Variants in PCDHGA4 observed in about 807,000 individuals in gnomAD.
PCDHGA4 encodes protocadherin gamma subfamily A, 4, also known as protocadherin gamma-A4.
PCDHGA4 carries 38 observed loss-of-function variants against 54.6 expected under a neutral mutation model. The observed-to-expected ratio is 0.70, with a 90% confidence interval of 0.54 to 0.91. The LOEUF (loss-of-function observed/expected upper bound fraction) is 0.91, where lower values mean the gene tolerates loss of function less well. Among genes scored for constraint, PCDHGA4 ranks in the 40% least tolerant of loss-of-function variants. The probability of loss-of-function intolerance (pLI) is 0.00; values close to 1 mark genes in which losing one functional copy is unlikely to be tolerated. For missense variants in PCDHGA4, 1,298 were observed against 1,220.9 expected (o/e 1.06, Z -0.94); for synonymous variants, 511 against 512.9 (o/e 1.00, Z 0.05).
At chr5:141,408,836 T>G in intron 1 of PCDHGA4, 1 of 1,613,680 alleles carries the variant, frequency 6.2e-7, no homozygotes, top group Non-Finnish European at 8.5e-7. Context: ...TAGCTTGATA[T>G]TGACTGCCTT....
intron 1 of PCDHGA4, chr5:141,423,241 G>C: frequency 6.2e-7 from 1 of 1,613,954 alleles, no homozygotes; most frequent in Non-Finnish European, 8.5e-7. Context: ...CATCCCCGAA[G>C]TCCTGGCGGA....
intron 1 of PCDHGA4, chr5:141,372,469 T>C (rs772203261): frequency 6.2e-7 from 1 of 1,614,020 alleles, no homozygotes; most frequent in Non-Finnish European, 8.5e-7. Context: ...CAGTTTCACC[T>C]AGTAGTGGCG....
At chr5:141,398,550 A>G (rs1390355431) in intron 1 of PCDHGA4, 2 of 1,613,816 alleles carry the variant, frequency 1.2e-6, no homozygotes, top group Non-Finnish European at 1.7e-6. Context: ...TTGAGCTGCA[A>G]ATAAGTGAGT....
chr5:141,472,371 C>G (rs2099278632), intron 1 of PCDHGA4, among the ~76,000 whole-genome samples: 1 of 151,944 alleles, frequency 6.6e-6, no homozygotes, highest in Admixed American at 6.6e-5. Flanking sequence ...GAAACCCCGT[C>G]TCCACTAAAA....
chr5:141,490,908 C>T lies in PCDHGA4; in HGVS notation c.2515-3899C>T, dbSNP rs201078924. On this transcript the variant is annotated intron_variant, in intron 1 of 3. Coordinates refer to ENST00000571252, the MANE Select transcript of PCDHGA4 (RefSeq NM_018917.4). This position sits in a 1 kb window ranked among gnomAD's most constrained non-coding sequence, Gnocchi z 5.4. The stretch of plus-strand genomic sequence containing the variant: ...CATCTCTGCATGTGTTTGTCCTAGA[C>T]GAGAATGATAATGCCCCAGCTGTGC... 42 of 1,613,710 alleles carry T rather than the reference C, an allele frequency of 2.6e-5. No homozygotes were observed. The highest frequency in any genetic ancestry group is 8.3e-5 in the Admixed American group (5 of 60,018).
At chr5:141,372,123 A>G (rs1435565099) in intron 1 of PCDHGA4, 3 of 1,613,632 alleles carry the variant, frequency 1.9e-6, no homozygotes, top group Non-Finnish European at 2.5e-6. Context: ...GCTCTTCGAT[A>G]TGGTGCCGCG....
rs985430498 is a variant in PCDHGA4 at position 141,387,945 on chromosome 5, C to T, written c.2514+30324C>T. The T allele has an allele frequency of 4.0e-6, 6 of 1,484,034 alleles. No homozygotes were observed. The African/African-American group carries it at 8.5e-5, about 21-fold the overall frequency. The allele number at this position is 1,484,034 out of a possible 1,614,324, so 91.9% of individuals were successfully genotyped here. A position where few individuals can be genotyped will look rare whatever the true frequency, so the allele number is the denominator to read the frequency against. On this transcript the variant is annotated intron_variant, in intron 1 of 3. Coordinates refer to ENST00000571252, the MANE Select transcript of PCDHGA4 (RefSeq NM_018917.4). ...GAGGCTGCCAGTGCTCTTTCTCTTC[C>T]TGCTGTCTTTGTTCTGCCCGGCGCT...
rs71576115 is a variant in PCDHGA4 at position 141,463,438 on chromosome 5, C to CTTTT, written c.2515-31344_2515-31341dup. Among the ~76,000 whole-genome samples, 106 of 103,254 alleles carry CTTTT rather than the reference C, an allele frequency of 1.0e-3. 8 individuals are homozygous for CTTTT. Among genetic ancestry groups the CTTTT allele is most frequent in the African/African-American group, 3.9e-3 (88 of 22,404 alleles). The allele number at this position is 103,254 out of a possible 152,430, so 67.7% of individuals were successfully genotyped here. ...GTTTGCGGATCCTCATTTCCTTCTC[C>CTTTT]TTTTTTTTTTTTTTTTTTTTTTTTT... is the stretch of plus-strand genomic sequence containing the variant. On this transcript the variant is annotated intron_variant, in intron 1 of 3. Transcript: ENST00000571252.
intron 1 of PCDHGA4, chr5:141,365,409 G>A (rs1588612926): frequency 1.2e-6 from 2 of 1,613,994 alleles, no homozygotes; most frequent in Non-Finnish European, 1.7e-6. Flanking sequence ...TCTGAAGACT[G>A]TCTTCCCGGA....
At chr5:141,443,872 A>G (rs1446612063) in intron 1 of PCDHGA4, among the ~76,000 whole-genome samples, 1 of 152,212 alleles carries the variant, frequency 6.6e-6, no homozygotes, top group South Asian at 2.1e-4. Context: ...AAAATTACTG[A>G]TAAGTCAAGA....
rs777288812 is a variant in PCDHGA4 at position 141,487,236 on chromosome 5, G to A, written c.2515-7571G>A. The A allele has an allele frequency of 1.7e-5, 28 of 1,613,962 alleles. No homozygotes were observed. The highest frequency in any genetic ancestry group is 1.4e-4 in the South Asian group (13 of 91,070). On this transcript the variant is annotated intron_variant, in intron 1 of 3. Coordinates refer to ENST00000571252, the MANE Select transcript of PCDHGA4 (RefSeq NM_018917.4). This position sits in a 1 kb window ranked among gnomAD's most constrained non-coding sequence, Gnocchi z 5.0. ...TCAGCTCCAAGGGAAGGAGAATCTC[G>A]TCTAACCCTCTACTTGGCTGTGTCC... is the stretch of plus-strand genomic sequence containing the variant.
At chr5:141,387,594 C>T in intron 1 of PCDHGA4, 1 of 528,418 alleles carries the variant, frequency 1.9e-6, no homozygotes, top group East Asian at 3.1e-5. Context: ...TAACTTGAAG[C>T]AGCAGAGGCT....
intron 1 of PCDHGA4, among the ~76,000 whole-genome samples, chr5:141,494,338 ACAG>A (rs2099753688): frequency 6.6e-6 from 1 of 152,224 alleles, no homozygotes; most frequent in African/African-American, 2.4e-5. Flanking sequence ...GTTACCAAGA[ACAG>A]CAGCCATCTT....
At chr5:141,461,799 G>T (rs1025237561) in intron 1 of PCDHGA4, among the ~76,000 whole-genome samples, 5 of 151,188 alleles carry the variant, frequency 3.3e-5, no homozygotes, top group Admixed American at 1.3e-4. Context: ...GATTACAGGT[G>T]CCCACCACCA....
At chr5:141,408,901 G>T (rs529239605) in intron 1 of PCDHGA4, 2 of 1,613,100 alleles carry the variant, frequency 1.2e-6, no homozygotes, top group African/African-American at 2.7e-5. Flanking sequence ...TTTCTGTCAA[G>T]GATACCAATG....
chr5:141,423,237 C>T (rs761825236), intron 1 of PCDHGA4: 74 of 1,613,798 alleles, frequency 4.6e-5, no homozygotes, highest in Middle Eastern at 3.3e-4. Flanking sequence ...ACAGCATCCC[C>T]GAAGTCCTGG....
intron 1 of PCDHGA4, chr5:141,408,303 G>T: frequency 1.2e-6 from 2 of 1,613,794 alleles, no homozygotes; most frequent in South Asian, 1.1e-5. Context: ...GAGCCGATCC[G>T]CTACTCGATT....
chr5:141,418,284 T>A (rs766608852), intron 1 of PCDHGA4: 19 of 1,613,826 alleles, frequency 1.2e-5, no homozygotes, highest in Non-Finnish European at 1.4e-5. Flanking sequence ...AACTTAGAAA[T>A]CAGTGAATCC....
chr5:141,361,258 G>A (rs957502744), intron 1 of PCDHGA4: 9 of 1,613,960 alleles, frequency 5.6e-6, no homozygotes, highest in South Asian at 1.1e-5. Context: ...GAGAGACAGA[G>A]ACTCTGGAGA....
Sources: allele counts gnomAD v4.1 joint callset (sites outside exome capture counted in the v4.1 genomes callset), GRCh38; gene constraint gnomAD v4.1.1; non-coding constraint Gnocchi (gnomAD v3.1); transcripts MANE v1.5; gene names NCBI Gene and HGNC (gene_info 2026-07-23, HGNC 2026-07-21).